The following IQCK variants were observed in gnomAD, a reference collection of about 807,000 sequenced individuals.
IQCK encodes the protein IQ motif containing K, also known as IQ domain-containing protein K.
IQCK carries 29 observed loss-of-function variants against 28.1 expected under a neutral mutation model. The observed-to-expected ratio is 1.03, with a 90% CI of 0.77 to 1.41. The LOEUF (loss-of-function observed/expected upper bound fraction) is 1.41. IQCK is among the 40% of genes most tolerant of loss of function. The probability of loss-of-function intolerance (pLI) is 0.00; values close to 1 mark genes in which losing one functional copy is unlikely to be tolerated. For missense variants in IQCK, 359 were observed against 314.7 expected (o/e 1.14, Z -1.07); for synonymous variants, 113 against 115.1 (o/e 0.98, Z 0.12).
chr16:19,768,429 T>A, intron 6 of IQCK, among the ~76,000 whole-genome samples: 1 of 152,180 alleles, frequency 6.6e-6, no homozygotes, highest in East Asian at 1.9e-4. Context: ...CCTGAGCTTT[T>A]GGGATAGATA....
At chr16:19,768,245 G>C (rs2055270509) in intron 6 of IQCK, among the ~76,000 whole-genome samples, 1 of 152,192 alleles carries the variant, frequency 6.6e-6, no homozygotes. Flanking sequence ...TGACCATGAA[G>C]TGAGATGGGT....
Position 19,718,382 on chromosome 16 carries a change from CG to C in IQCK, c.78del (p.Thr27ArgfsTer54). Reference sequence around the variant, plus strand: ...CTGCTCTACAGACTCGTCGTTCACCCGGACGCCGGTGCCCACCGTGTCTCTC... The same window carrying C: ...CTGCTCTACAGACTCGTCGTTCACCCGACGCCGGTGCCCACCGTGTCTCTC... On this transcript the variant is annotated frameshift_variant, in exon 1 of 8. Coordinates refer to ENST00000564186, the Ensembl canonical transcript of IQCK. LOFTEE classifies it high-confidence loss of function. The C allele has an allele frequency of 6.2e-7, 1 of 1,607,472 alleles. No homozygotes were observed. Among genetic ancestry groups the C allele is most frequent in the Non-Finnish European group, 8.5e-7 (1 of 1,177,578 alleles).
intron 6 of IQCK, among the ~76,000 whole-genome samples, chr16:19,773,266 A>C (rs1332968096): frequency 6.6e-6 from 1 of 152,160 alleles, no homozygotes; most frequent in Non-Finnish European, 1.5e-5. Context: ...GGTGCAGCCC[A>C]ACTGACAAGT....
At chr16:19,778,836 C>T (rs2055434839) in intron 6 of IQCK, among the ~76,000 whole-genome samples, 1 of 152,016 alleles carries the variant, frequency 6.6e-6, no homozygotes, top group Non-Finnish European at 1.5e-5. Context: ...CATCCAATTC[C>T]CAGACCTTGT....
At chr16:19,733,763 T>C in exon 3 of IQCK, 5 of 1,614,180 alleles carry the variant, frequency 3.1e-6, no homozygotes, top group Non-Finnish European at 3.4e-6. Flanking sequence ...CGGTTTCCCA[T>C]TTCACCATGA....
At chr16:19,756,631 A>T (rs1200309233) in intron 4 of IQCK, among the ~76,000 whole-genome samples, 1 of 152,166 alleles carries the variant, frequency 6.6e-6, no homozygotes, top group Non-Finnish European at 1.5e-5. Flanking sequence ...TCACGCCTGT[A>T]ATCCCAGCAC....
intron 1 of IQCK, among the ~76,000 whole-genome samples, chr16:19,724,060 C>T (rs576421060): frequency 6.6e-6 from 1 of 152,180 alleles, no homozygotes; most frequent in African/African-American, 2.4e-5. Context: ...TAAACAAGCA[C>T]TTCGGTACCA....
At chr16:19,751,490 A>G (rs956692063) in intron 4 of IQCK, among the ~76,000 whole-genome samples, 4 of 152,192 alleles carry the variant, frequency 2.6e-5, no homozygotes, top group Non-Finnish European at 5.9e-5. Context: ...AAAAAGATAA[A>G]TAAATAAAAA....
At chr16:19,764,941 C>T (rs1242650364) in intron 6 of IQCK, among the ~76,000 whole-genome samples, 1 of 140,968 alleles carries the variant, frequency 7.1e-6, no homozygotes, top group African/African-American at 2.6e-5. Context: ...CCTCGTGATC[C>T]GCCCACCTCA....
At chr16:19,751,406 A>G (rs530770454) in intron 4 of IQCK, among the ~76,000 whole-genome samples, 2 of 152,094 alleles carry the variant, frequency 1.3e-5, no homozygotes, top group East Asian at 1.9e-4. Context: ...TGAGCCCAAG[A>G]GTTTGAGGCT....
chr16:19,721,995 C>A (rs1322323526), intron 1 of IQCK, among the ~76,000 whole-genome samples: 1 of 152,192 alleles, frequency 6.6e-6, no homozygotes, highest in African/African-American at 2.4e-5. Context: ...GTTGTAAAAT[C>A]TGGCCTTTCA....
rs117079144 is a variant in IQCK, at chr16:19,774,249, C to T, written c.605+10137C>T. Among the ~76,000 whole-genome samples, 872 of 152,186 alleles carry T rather than the reference C, an allele frequency of 5.7e-3. 6 individuals are homozygous for T. Among genetic ancestry groups the T allele is most frequent in the Middle Eastern group, 0.031 (9 of 292 alleles). On this transcript the variant is annotated intron_variant, in intron 6 of 7. Transcript: ENST00000564186. Reference sequence around the variant, plus strand: ...AAGATGACTTAATCCTTCCAAGCCTCAGTTTTTCCATCTGAAAAATGGCCT... The same window carrying T: ...AAGATGACTTAATCCTTCCAAGCCTTAGTTTTTCCATCTGAAAAATGGCCT...
chr16:19,766,835 C>T (rs900320645), intron 6 of IQCK, among the ~76,000 whole-genome samples: 1 of 152,096 alleles, frequency 6.6e-6, no homozygotes, highest in Non-Finnish European at 1.5e-5. Flanking sequence ...TTTGGGAGGC[C>T]GAGGTGGGTA....
At chr16:19,801,302 CTT>C (rs573505762) in intron 7 of IQCK, among the ~76,000 whole-genome samples, 11 of 87,890 alleles carry the variant, frequency 1.3e-4, no homozygotes, top group South Asian at 3.6e-4. Context: ...CTCTCTCTCT[CTT>C]TTTTTTTTTT....
At chr16:19,848,143 T>C (rs773138689) in intron 9 of IQCK, among the ~76,000 whole-genome samples, 1 of 152,258 alleles carries the variant, frequency 6.6e-6, no homozygotes, top group Non-Finnish European at 1.5e-5. Flanking sequence ...GCAGTCTGCA[T>C]CTTTACCAAC....
chr16:19,755,132 C>T (rs1474872960), intron 4 of IQCK, among the ~76,000 whole-genome samples: 4 of 152,088 alleles, frequency 2.6e-5, no homozygotes, highest in African/African-American at 7.2e-5. Flanking sequence ...ATGGTTTCAT[C>T]GTGTATGGGA....
chr16:19,765,622 C>A (rs1196204919), intron 6 of IQCK, among the ~76,000 whole-genome samples: 1 of 152,090 alleles, frequency 6.6e-6, no homozygotes, highest in Admixed American at 6.5e-5. Context: ...GATGAATAGA[C>A]CCTTGGCTGA....
Position 19,734,479 on chromosome 16 carries a change from A to AAG in IQCK, c.376+652_376+653insAG, listed in dbSNP as rs1555514170. ...CATCACAAAAAAAAAAAAAAAAAAA[A>AAG]TTATCCAGGCATGGTGGTGCACACT... On this transcript the variant is annotated intron_variant, in intron 3 of 7. Transcript: ENST00000564186. 2.0e-3 allele frequency among the ~76,000 whole-genome samples: 281 copies of AAG among 142,708 alleles called. 6 individuals carry two copies. The highest frequency in any genetic ancestry group is 5.8e-3 in the African/African-American group (220 of 38,236). The allele number at this position is 142,708 out of a possible 152,430, so 93.6% of individuals were successfully genotyped here.
intron 9 of IQCK, among the ~76,000 whole-genome samples, chr16:19,855,384 G>A (rs1006046165): frequency 3.3e-5 from 5 of 152,120 alleles, no homozygotes; most frequent in Non-Finnish European, 7.4e-5. Flanking sequence ...TTGAGGCTGG[G>A]AGTTCGAGAC....
Sources: allele counts gnomAD v4.1 joint callset (sites outside exome capture counted in the v4.1 genomes callset), GRCh38; gene constraint gnomAD v4.1.1; transcripts MANE v1.5; gene names NCBI Gene and HGNC (gene_info 2026-07-23, HGNC 2026-07-21).